ATRX: variants seen among roughly 807,000 people sequenced by gnomAD.
ATRX encodes ATRX chromatin remodeler, also known as chromatin remodeler ATRX.
Under a neutral mutation model 172.6 loss-of-function variants are expected in ATRX, and 12 were observed. That is an observed-to-expected ratio of 0.07 (90% CI 0.04 to 0.11). The LOEUF (loss-of-function observed/expected upper bound fraction) is 0.11. Among genes scored for constraint, ATRX ranks in the 10% least tolerant of loss-of-function variants. ATRX has a pLI of 1.00. For missense variants in ATRX, 1,368 were observed against 1,767.4 expected (o/e 0.77, Z 4.05); for synonymous variants, 674 against 594.7 (o/e 1.13, Z -1.94).
At chrX:77,783,445 T>A (rs1422103078) in intron 1 of ATRX, among the ~76,000 whole-genome samples, 1 of 111,634 alleles carries the variant, frequency 9.0e-6, no homozygotes, top group Non-Finnish European at 1.9e-5. Context: ...AGTGTATGTT[T>A]TAGCCAGGTC....
chrX:77,694,560 T>C (rs1557148756), intron 5 of ATRX, among the ~76,000 whole-genome samples: 3 of 110,881 alleles, frequency 2.7e-5, no homozygotes, highest in Non-Finnish European at 5.7e-5. Context: ...TAACAATAAA[T>C]TGTAGAATGA....
intron 22 of ATRX, among the ~76,000 whole-genome samples, chrX:77,601,399 G>C (rs1021936926): frequency 3.2e-4 from 34 of 106,899 alleles, no homozygotes; most frequent in Non-Finnish European, 6.2e-4. Context: ...AATCACTTGA[G>C]CCCAGGAGTT....
chrX:77,674,530 C>T lies in ATRX; in HGVS notation c.3809+1696G>A, dbSNP rs45557633. Reference sequence around the variant, plus strand: ...AATACTTGCCAGTTACAGAGAGATACGATCAGGTAACTTAAAAGTTGAAAA... The same window carrying T: ...AATACTTGCCAGTTACAGAGAGATATGATCAGGTAACTTAAAAGTTGAAAA... On this transcript the variant is annotated intron_variant, in intron 10 of 34. Transcript: ENST00000373344. 2.7e-4 allele frequency: 30 copies of T among 110,817 alleles called. No individual in the cohort carries two copies. The East Asian group carries it at 8.5e-3, about 31-fold the overall frequency. 9.1% of individuals were successfully genotyped at this position (110,817 alleles called of 1,213,427 possible). A position where few individuals can be genotyped will look rare whatever the true frequency, so the allele number is the denominator to read the frequency against.
chrX:77,734,562 G>A (rs1032603154), intron 1 of ATRX, among the ~76,000 whole-genome samples: 16 of 111,927 alleles, frequency 1.4e-4, no homozygotes, highest in Admixed American at 4.7e-4. Flanking sequence ...CAAGGCGGAA[G>A]GATCACCTGA....
intron 30 of ATRX, among the ~76,000 whole-genome samples, chrX:77,539,878 A>G (rs2063902873): frequency 8.9e-6 from 1 of 112,146 alleles, no homozygotes; most frequent in South Asian, 3.7e-4. Flanking sequence ...AATTGTAAAG[A>G]CCATCAACGC....
chrX:77,664,004 G>A (rs189116314), intron 11 of ATRX, among the ~76,000 whole-genome samples: 77 of 109,291 alleles, frequency 7.0e-4, no homozygotes, highest in African/African-American at 1.5e-3. Context: ...GGGAGGCTGA[G>A]GCAGGAGAAT....
At chrX:77,671,444 CCA>C (rs1437452725) in intron 10 of ATRX, among the ~76,000 whole-genome samples, 10 of 107,166 alleles carry the variant, frequency 9.3e-5, no homozygotes, top group Middle Eastern at 9.9e-3. Context: ...AATTAAGAAC[CCA>C]CAGTTATTAA....
intron 21 of ATRX, 71 bp from the exon 22 acceptor site, chrX:77,616,801 G>C: frequency 1.4e-6 from 1 of 736,803 alleles, no homozygotes; most frequent in African/African-American, 2.1e-5. Context: ...AGTTCTCATT[G>C]CTTATAACTG....
chrX:77,733,452 G>T (rs1184233814), intron 1 of ATRX, among the ~76,000 whole-genome samples: 1 of 110,905 alleles, frequency 9.0e-6, no homozygotes, highest in Non-Finnish European at 1.9e-5. Flanking sequence ...CATAAAAGCA[G>T]ACACATAAAC....
At chrX:77,572,885 C>A (rs2065468231) in intron 28 of ATRX, among the ~76,000 whole-genome samples, 1 of 111,599 alleles carries the variant, frequency 9.0e-6, no homozygotes, top group African/African-American at 3.2e-5. Context: ...ACTGAAATTT[C>A]TCTAGCCTTA....
intron 30 of ATRX, among the ~76,000 whole-genome samples, chrX:77,534,002 G>A (rs1557047482): frequency 9.0e-6 from 1 of 111,249 alleles, no homozygotes; most frequent in Non-Finnish European, 1.9e-5. Flanking sequence ...CCAAATCTGC[G>A]AACAAGGGTT....
chrX:77,545,514 GA>G (rs1337966229), intron 30 of ATRX, among the ~76,000 whole-genome samples: 57 of 109,109 alleles, frequency 5.2e-4, no homozygotes, highest in African/African-American at 8.6e-4. Context: ...GAAATATTAG[GA>G]AAAAAAAATA....
At chrX:77,563,842 C>T (rs1362831371) in intron 28 of ATRX, among the ~76,000 whole-genome samples, 1 of 109,436 alleles carries the variant, frequency 9.1e-6, no homozygotes, top group African/African-American at 3.3e-5. Flanking sequence ...CGTATAAATC[C>T]TGGTCCCAGT....
At position 77,508,245 on chromosome X, in the gene ATRX, G is replaced by A; in HGVS notation, c.*106C>T. The A allele has an allele frequency of 1.0e-6, 1 of 993,536 alleles. No homozygotes were observed. The highest frequency in any genetic ancestry group is 2.7e-5 in the Admixed American group (1 of 36,900). 81.9% of individuals were successfully genotyped at this position (993,536 alleles called of 1,213,427 possible). Reference sequence around the variant, plus strand: ...ACTAATATGGAAGATTGGCATTTAAGGGGACCAAACTATTTATACAGTTGA... The same window carrying A: ...ACTAATATGGAAGATTGGCATTTAAAGGGACCAAACTATTTATACAGTTGA... On this transcript the variant is annotated 3_prime_UTR_variant, in exon 35 of 35. Transcript: ENST00000373344.
intron 30 of ATRX, among the ~76,000 whole-genome samples, chrX:77,527,484 G>A (rs1276624151): frequency 8.9e-6 from 1 of 112,125 alleles, no homozygotes; most frequent in South Asian, 3.7e-4. Context: ...TGCAACATGC[G>A]GAGCAGGAGA....
chrX:77,604,273 T>G (rs892358166), intron 22 of ATRX, among the ~76,000 whole-genome samples: 1 of 112,049 alleles, frequency 8.9e-6, no homozygotes, highest in Non-Finnish European at 1.9e-5. Context: ...TATCTAGAAT[T>G]TACAAGGAAC....
At chrX:77,753,279 TG>T (rs2075368609) in intron 1 of ATRX, among the ~76,000 whole-genome samples, 1 of 111,881 alleles carries the variant, frequency 8.9e-6, no homozygotes, top group African/African-American at 3.2e-5. Flanking sequence ...TATTATCTGA[TG>T]GTAGTCTGTA....
intron 1 of ATRX, among the ~76,000 whole-genome samples, chrX:77,747,089 G>A (rs1453357821): frequency 1.8e-5 from 2 of 110,706 alleles, no homozygotes; most frequent in African/African-American, 6.6e-5. Flanking sequence ...GTGAGCCACC[G>A]CGCCCGGCCT....
At chrX:77,565,985 C>A (rs1423065807) in intron 28 of ATRX, among the ~76,000 whole-genome samples, 2 of 110,573 alleles carry the variant, frequency 1.8e-5, no homozygotes, top group Non-Finnish European at 3.8e-5. Flanking sequence ...ATCTGAACAA[C>A]AGAGAAAAAT....
Sources: allele counts gnomAD v4.1 joint callset (sites outside exome capture counted in the v4.1 genomes callset), GRCh38; gene constraint gnomAD v4.1.1; transcripts MANE v1.5; gene names NCBI Gene and HGNC (gene_info 2026-07-23, HGNC 2026-07-21).